The following RBFOX3 variants were observed in gnomAD, a reference collection of about 807,000 sequenced individuals.
RBFOX3 encodes RNA binding protein fox-1 homolog 3.
RBFOX3 carries 17 observed loss-of-function variants against 48.7 expected under a neutral mutation model. That is an observed-to-expected ratio of 0.35 (90% confidence interval 0.24 to 0.52). The LOEUF is 0.52. Ranked by LOEUF, RBFOX3 falls within the 20% of genes least tolerant of loss-of-function variation. The pLI is 0.94. For missense variants in RBFOX3, 382 were observed against 497.5 expected, an observed-to-expected ratio of 0.77 and a Z score of 2.21; for synonymous variants, 212 against 209.5, an observed-to-expected ratio of 1.01 and a Z score of -0.10.
At chr17:79,284,618 C>A (rs1041808738) in intron 3 of RBFOX3, among the ~76,000 whole-genome samples, 5 of 150,054 alleles carry the variant, frequency 3.3e-5, no homozygotes, top group African/African-American at 4.9e-5. Flanking sequence ...CGACTTACTG[C>A]AACCTCTGCC....
intron 2 of RBFOX3, among the ~76,000 whole-genome samples, chr17:79,426,214 C>A (rs1555725444): frequency 6.6e-6 from 1 of 152,144 alleles, no homozygotes; most frequent in Non-Finnish European, 1.5e-5. Context: ...TGGGGCCCAC[C>A]TTTCCGGCAG....
the RBFOX3 span, among the ~76,000 whole-genome samples, chr17:79,617,480 C>T: frequency 6.6e-6 from 1 of 152,292 alleles, no homozygotes; most frequent in South Asian, 2.1e-4. Flanking sequence ...CACAAACAGC[C>T]AGGCCTGCAC....
At chr17:79,310,535 C>T (rs1235873295) in intron 2 of RBFOX3, among the ~76,000 whole-genome samples, 1 of 152,154 alleles carries the variant, frequency 6.6e-6, no homozygotes, top group East Asian at 1.9e-4. Flanking sequence ...TCCCCAGCCC[C>T]GTCCTGCTTC....
At chr17:79,548,606 C>A (rs894566089) in intron 1 of RBFOX3, among the ~76,000 whole-genome samples, 2 of 152,216 alleles carry the variant, frequency 1.3e-5, no homozygotes, top group Non-Finnish European at 2.9e-5. Flanking sequence ...GGAGAGGGGC[C>A]CAGCTCAGGC....
At chr17:79,494,968 C>T (rs1243916377) in intron 1 of RBFOX3, among the ~76,000 whole-genome samples, 1 of 152,170 alleles carries the variant, frequency 6.6e-6, no homozygotes, top group Non-Finnish European at 1.5e-5. Context: ...CTTGGAACCA[C>T]CCAAGTCTGC....
chr17:79,097,239 C>A, intron 11 of RBFOX3, 53 bp downstream of exon 11: 1 of 1,445,392 alleles, frequency 6.9e-7, no homozygotes, highest in Non-Finnish European at 9.4e-7. Flanking sequence ...CCATTTCCCT[C>A]CTCCCCGCCG....
Position 79,396,925 on chromosome 17 carries a change from G to A in RBFOX3, c.-175+85529C>T, listed in dbSNP as rs114597460. 9.5e-3 allele frequency among the ~76,000 whole-genome samples: 1,444 copies of A among 152,366 alleles called. 8 individuals carry two copies. Among genetic ancestry groups the A allele is most frequent in the Non-Finnish European group, 0.014 (979 of 68,030 alleles). ...GCCAGGGTGGGACCTGTCATCCATG[G>A]TAGGGAAGTCTGCAAGGAGAACGAA... On this transcript the variant is annotated intron_variant, in intron 2 of 14. Transcript: ENST00000693108.
intron 1 of RBFOX3, among the ~76,000 whole-genome samples, chr17:79,573,119 C>T (rs1001590178): frequency 7.9e-5 from 12 of 152,240 alleles, no homozygotes; most frequent in Non-Finnish European, 1.8e-4. Flanking sequence ...TCAGGCATTT[C>T]CTCTTCTTTC....
At chr17:79,603,047 G>A (rs2093743905) in intron 1 of RBFOX3, among the ~76,000 whole-genome samples, 1 of 148,860 alleles carries the variant, frequency 6.7e-6, no homozygotes, top group Non-Finnish European at 1.5e-5. Context: ...CTGGAGTGCA[G>A]CGGTATGATC....
chr17:79,244,620 G>A (rs1032967913), intron 3 of RBFOX3, among the ~76,000 whole-genome samples: 6 of 151,966 alleles, frequency 3.9e-5, no homozygotes, highest in South Asian at 2.1e-4. Flanking sequence ...CTTTCTTCAC[G>A]GTCATTGCTC....
intron 1 of RBFOX3, among the ~76,000 whole-genome samples, chr17:79,583,723 C>CT (rs2093151285): frequency 1.3e-5 from 2 of 152,150 alleles, no homozygotes; most frequent in South Asian, 4.1e-4. Flanking sequence ...TCATGAAGCA[C>CT]TATCATCATG....
chr17:79,269,050 G>C (rs555386268), intron 3 of RBFOX3, among the ~76,000 whole-genome samples: 26 of 152,268 alleles, frequency 1.7e-4, no homozygotes, highest in Non-Finnish European at 3.7e-4. Context: ...GATCAGGTCA[G>C]ACTGGACTGG....
At chr17:79,424,292 G>A (rs896315338) in intron 2 of RBFOX3, among the ~76,000 whole-genome samples, 6 of 152,210 alleles carry the variant, frequency 3.9e-5, no homozygotes, top group Non-Finnish European at 7.3e-5. Context: ...CGTCCCAGGA[G>A]CACAGGGGTG....
chr17:79,124,511 T>C (rs2036623979), intron 4 of RBFOX3, among the ~76,000 whole-genome samples: 1 of 152,234 alleles, frequency 6.6e-6, no homozygotes, highest in South Asian at 2.1e-4. Flanking sequence ...CACAGGGAAC[T>C]GACCATTCCC....
chr17:79,500,405 G>GCAC (rs1199686174), intron 1 of RBFOX3, among the ~76,000 whole-genome samples: 1 of 151,988 alleles, frequency 6.6e-6, no homozygotes, highest in Non-Finnish European at 1.5e-5. Context: ...TTACAGGCAT[G>GCAC]CACCACCACG....
At chr17:79,510,437 C>G (rs2083956605) in intron 1 of RBFOX3, among the ~76,000 whole-genome samples, 1 of 152,204 alleles carries the variant, frequency 6.6e-6, no homozygotes, top group Admixed American at 6.5e-5. Context: ...AGACGACACA[C>G]TCATTTCTGT....
chr17:79,320,555 C>A (rs538248842), intron 2 of RBFOX3, among the ~76,000 whole-genome samples: 1 of 152,226 alleles, frequency 6.6e-6, no homozygotes, highest in Non-Finnish European at 1.5e-5. Context: ...CCTTGGCAAA[C>A]CCTGCCCATA....
intron 4 of RBFOX3, among the ~76,000 whole-genome samples, chr17:79,190,897 T>C (rs2146466720): frequency 6.6e-6 from 1 of 152,280 alleles, no homozygotes; most frequent in Admixed American, 6.5e-5. Flanking sequence ...CCCTGCACTC[T>C]CAGGGTGTCC....
chr17:79,153,708 G>A (rs1373632204), intron 4 of RBFOX3, among the ~76,000 whole-genome samples: 1 of 152,196 alleles, frequency 6.6e-6, no homozygotes, highest in African/African-American at 2.4e-5. Flanking sequence ...AAAGAATCAC[G>A]TGTAACCAAT....
Sources: allele counts gnomAD v4.1 joint callset (sites outside exome capture counted in the v4.1 genomes callset), GRCh38; gene constraint gnomAD v4.1.1; transcripts MANE v1.5; gene names NCBI Gene and HGNC (gene_info 2026-07-23, HGNC 2026-07-21).